The following NRDE2 variants were observed in gnomAD, a reference collection of about 807,000 sequenced individuals.
NRDE2 encodes the protein nuclear exosome regulator NRDE2.
In NRDE2, 76 loss-of-function variants were observed where a neutral mutation model predicts 124.2. The ratio of observed to expected loss-of-function variants is 0.61; its 90% CI spans 0.51 to 0.74. The LOEUF (loss-of-function observed/expected upper bound fraction) is 0.74. Among genes scored for constraint, NRDE2 ranks in the 30% least tolerant of loss-of-function variants. The pLI, the probability that NRDE2 is intolerant of heterozygous loss-of-function variation, is 0.00. For synonymous variants in NRDE2, 489 were observed against 528.1 expected, an observed-to-expected ratio of 0.93 and a Z score of 1.01; for missense variants, 1,314 against 1,417.3, an observed-to-expected ratio of 0.93 and a Z score of 1.17.
At chr14:90,307,387 T>C (rs887830389) in intron 4 of NRDE2, among the ~76,000 whole-genome samples, 3 of 152,198 alleles carry the variant, frequency 2.0e-5, no homozygotes, top group African/African-American at 7.2e-5. Flanking sequence ...TTTAACACAA[T>C]GTTTCCCTAA....
chr14:90,300,831 T>C (rs59444150), intron 7 of NRDE2, among the ~76,000 whole-genome samples: 17,993 of 25,398 alleles, frequency 0.71, 5,401 homozygotes, highest in Middle Eastern at 0.8. Context: ...GGGGAGCCAA[T>C]CAGCATTTAA....
chr14:90,301,455 A>G, intron 6 of NRDE2, 83 bp from the exon 7 acceptor site: 1 of 1,332,114 alleles, frequency 7.5e-7, no homozygotes, highest in Non-Finnish European at 1.1e-6. Context: ...CAGGCAATTA[A>G]CACATTGAGA....
chr14:90,324,612 G>T (rs533543631), intron 1 of NRDE2, among the ~76,000 whole-genome samples: 2 of 149,626 alleles, frequency 1.3e-5, no homozygotes, highest in African/African-American at 4.9e-5. Flanking sequence ...GGAGGCAGAG[G>T]TTGCAGTGAG....
chr14:90,292,965 G>A (rs1002552409), intron 8 of NRDE2, 93 bp from the exon 9 acceptor site: 14 of 1,138,724 alleles, frequency 1.2e-5, no homozygotes, highest in Admixed American at 5.8e-5. Flanking sequence ...TTGGGCACCC[G>A]CAATGCCAAG....
intron 8 of NRDE2, among the ~76,000 whole-genome samples, chr14:90,294,909 C>G (rs1892366300): frequency 6.6e-6 from 1 of 151,982 alleles, no homozygotes; most frequent in African/African-American, 2.4e-5. Flanking sequence ...AACAGGAAAA[C>G]AGAGAGAGAA....
Position 90,288,276 on chromosome 14 carries a change from A to C in NRDE2, c.3099T>G (p.Pro1033=). 1 of 1,614,110 alleles carries C rather than the reference A, an allele frequency of 6.2e-7. No individual in the cohort carries two copies. Among genetic ancestry groups the C allele is most frequent in the South Asian group, 1.1e-5 (1 of 91,078 alleles). The change falls in exon 11 of 14, where the codon CCT becomes CCG. Residue 1033 remains proline (P), a synonymous_variant. Transcript: ENST00000354366. ...TCTCAGCTTCAATTGCAAACAACCA[A>C]GGCTCCAAGGGTTTGGCAGACCTGG... ...TITRSAKPLE[P]WLFAIEAEKL...
At position 90,298,266 on chromosome 14, in the gene NRDE2, T is replaced by G. The variant is rs758584917; in HGVS notation, c.1660A>C (p.Asn554His). Reference protein sequence around the residue: ...QQERGGWVVINPDEDDDEPEE... With the variant: ...QQERGGWVVIHPDEDDDEPEE... ...TCAATGAGAGGTGACTTACCTGGGT[T>G]GATGACCACCCAGCCACCTCGTTCC... Residue 554 changes from asparagine to histidine, a missense_variant, in exon 8 of 14, where the codon AAC becomes CAC. Physicochemically the swap from Asn to His is moderately conservative, Grantham distance 68. Transcript: ENST00000354366. The G allele has an allele frequency of 6.2e-7, 1 of 1,613,580 alleles. No individual in the cohort carries two copies. The highest frequency in any genetic ancestry group is 8.5e-7 in the Non-Finnish European group (1 of 1,179,918).
chr14:90,278,645 A>T (rs760210724), intron 13 of NRDE2, 184 bp from the exon 14 acceptor site: 377 of 669,346 alleles, frequency 5.6e-4, no homozygotes, highest in Non-Finnish European at 8.4e-4. Context: ...AAGGACACTG[A>T]ACTCGCAAAA....
chr14:90,312,272 T>A (rs1175240008), intron 4 of NRDE2, 122 bp downstream of exon 4: 2 of 886,704 alleles, frequency 2.3e-6, no homozygotes, highest in Non-Finnish European at 3.5e-6. Flanking sequence ...AACAATGCAA[T>A]AAATAAAACC....
intron 7 of NRDE2, 84 bp from the exon 8 acceptor site, chr14:90,298,464 A>T: frequency 1.5e-6 from 2 of 1,344,340 alleles, no homozygotes; most frequent in Non-Finnish European, 2.1e-6. Flanking sequence ...GGTGGATATA[A>T]GAGAAGCTTA....
intron 4 of NRDE2, among the ~76,000 whole-genome samples, chr14:90,309,623 G>A (rs1884754748): frequency 6.6e-6 from 1 of 152,112 alleles, no homozygotes; most frequent in African/African-American, 2.4e-5. Context: ...AGATTCAAGT[G>A]CTGCCTCCTA....
intron 8 of NRDE2, among the ~76,000 whole-genome samples, chr14:90,297,405 T>G (rs1341786571): frequency 1.3e-5 from 2 of 152,202 alleles, no homozygotes; most frequent in African/African-American, 4.8e-5. Context: ...CTTTTTACTT[T>G]TTTAATGTGG....
intron 4 of NRDE2, among the ~76,000 whole-genome samples, chr14:90,309,873 C>T (rs1220500398): frequency 6.6e-6 from 1 of 152,182 alleles, no homozygotes; most frequent in Non-Finnish European, 1.5e-5. Flanking sequence ...TAACAATGCC[C>T]TAAGCCCTTT....
At chr14:90,278,699 A>G (rs926138560) in intron 13 of NRDE2, 8 of 552,564 alleles carry the variant, frequency 1.4e-5, no homozygotes, top group Non-Finnish European at 2.3e-5. Context: ...AAAGGGGTCC[A>G]GGAATTGCTG....
chr14:90,268,193 T>C lies in NRDE2; in HGVS notation c.*10143A>G. On this transcript the variant is annotated 3_prime_UTR_variant, in exon 14 of 14. Coordinates refer to ENST00000354366, the MANE Select transcript of NRDE2 (RefSeq NM_017970.4). ...AGTTAAAATGGCACTTAAGGTGTCTTTTTTTTTTTTATCTTTTTCATCCAA... is the reference window on the plus strand; with the variant it reads ...AGTTAAAATGGCACTTAAGGTGTCTCTTTTTTTTTTATCTTTTTCATCCAA... The C allele has an allele frequency of 6.9e-7, 1 of 1,443,100 alleles. No homozygotes were observed. The allele number at this position is 1,443,100 out of a possible 1,614,324, so 89.4% of individuals were successfully genotyped here. A position where few individuals can be genotyped will look rare whatever the true frequency, so the allele number is the denominator to read the frequency against.
At chr14:90,320,371 T>C (rs904073483) in intron 1 of NRDE2, among the ~76,000 whole-genome samples, 1 of 152,172 alleles carries the variant, frequency 6.6e-6, no homozygotes, top group East Asian at 1.9e-4. Context: ...GAGCCCCTTA[T>C]AAAACCATCA....
intron 4 of NRDE2, among the ~76,000 whole-genome samples, chr14:90,312,112 G>C (rs1460052094): frequency 1.3e-5 from 2 of 152,110 alleles, no homozygotes; most frequent in African/African-American, 4.8e-5. Context: ...ATTATTACAA[G>C]GTACTTTTGG....
At chr14:90,292,558 G>T in intron 9 of NRDE2, 139 bp downstream of exon 9, 1 of 837,336 alleles carries the variant, frequency 1.2e-6, no homozygotes, top group Non-Finnish European at 1.9e-6. Flanking sequence ...ATGAGAACAG[G>T]AGCAGGTTAG....
Position 90,269,652 on chromosome 14 carries a change from T to G in NRDE2, c.*8684A>C. On this transcript the variant is annotated 3_prime_UTR_variant, in exon 14 of 14. Transcript: ENST00000354366. ...AAATGATACATAAAAAAGCAAATACTGCAGTGAAACTTAGGATAATTTACA... is the reference window on the plus strand; with the variant it reads ...AAATGATACATAAAAAAGCAAATACGGCAGTGAAACTTAGGATAATTTACA... 1 of 1,292,406 alleles carries G rather than the reference T, an allele frequency of 7.7e-7. No individual in the cohort carries two copies. Among genetic ancestry groups the G allele is most frequent in the Non-Finnish European group, 1.1e-6 (1 of 930,836 alleles). 80.1% of individuals were successfully genotyped at this position (1,292,406 alleles called of 1,614,324 possible). A position where few individuals can be genotyped will look rare whatever the true frequency, so the allele number is the denominator to read the frequency against.
Sources: gnomAD v4.1 joint callset for allele counts (sites outside exome capture counted in the v4.1 genomes callset) on GRCh38, gnomAD v4.1.1 for gene constraint, MANE v1.5 for transcripts, NCBI Gene and HGNC (gene_info 2026-07-23, HGNC 2026-07-21) for gene names.